The following MAPRE2 variants were observed in gnomAD, a reference collection of about 807,000 sequenced individuals.
The protein encoded by MAPRE2 is microtubule associated protein RP/EB family member 2.
A neutral mutation model predicts 43.2 loss-of-function variants in MAPRE2; 13 were observed. That is an observed-to-expected ratio of 0.30 (90% CI 0.20 to 0.48). The LOEUF is 0.48. Among genes scored for constraint, MAPRE2 ranks in the 20% least tolerant of loss-of-function variants. MAPRE2 has a pLI of 0.99. For missense variants in MAPRE2, 161 were observed against 400.2 expected (o/e 0.40, Z 5.10); for synonymous variants, 135 against 148.8 (o/e 0.91, Z 0.68).
At chr18:35,018,781 T>C (rs1190710237) in intron 2 of MAPRE2, among the ~76,000 whole-genome samples, 2 of 152,044 alleles carry the variant, frequency 1.3e-5, no homozygotes, top group Non-Finnish European at 2.9e-5. Flanking sequence ...CCTTTAGGTT[T>C]CACTGATTCT....
At chr18:35,108,732 C>CTT (rs370443059) in intron 4 of MAPRE2, among the ~76,000 whole-genome samples, 1 of 141,346 alleles carries the variant, frequency 7.1e-6, no homozygotes, top group African/African-American at 2.6e-5. Context: ...TGATGTTGAG[C>CTT]TTTTTTTTTT....
chr18:35,028,667 C>A (rs1286237390), intron 2 of MAPRE2, among the ~76,000 whole-genome samples: 1 of 152,168 alleles, frequency 6.6e-6, no homozygotes, highest in Non-Finnish European at 1.5e-5. Context: ...CTGCTACAAC[C>A]ACAAGGATTG....
chr18:35,107,689 T>A (rs1166783277), intron 4 of MAPRE2, among the ~76,000 whole-genome samples: 1 of 152,122 alleles, frequency 6.6e-6, no homozygotes, highest in Non-Finnish European at 1.5e-5. Flanking sequence ...CAGTAGTTGG[T>A]TGTATAGTGT....
intron 4 of MAPRE2, among the ~76,000 whole-genome samples, chr18:35,102,572 A>G (rs1376218839): frequency 6.6e-6 from 1 of 152,192 alleles, no homozygotes; most frequent in Admixed American, 6.5e-5. Context: ...CATCGTCTCT[A>G]ACCCTTCAAA....
chr18:35,041,434 G>T lies in MAPRE2; in HGVS notation c.-106G>T. On this transcript the variant is annotated 5_prime_UTR_variant, in exon 1 of 7. Transcript: ENST00000300249. Reference sequence around the variant, plus strand: ...CTGGGAGAAGGCAGTGAGCGAGCAGGCGGCAGGCACGGTCCGTGCGGAGCA... The same window carrying T: ...CTGGGAGAAGGCAGTGAGCGAGCAGTCGGCAGGCACGGTCCGTGCGGAGCA... 1.9e-6 allele frequency: 3 copies of T among 1,579,202 alleles called. No homozygotes were observed. The highest frequency in any genetic ancestry group is 2.3e-5 in the South Asian group (2 of 88,828).
At chr18:34,985,010 T>TAAAA (rs2097018644) in intron 1 of MAPRE2, among the ~76,000 whole-genome samples, 1 of 60,532 alleles carries the variant, frequency 1.7e-5, no homozygotes, top group Non-Finnish European at 2.8e-5. Flanking sequence ...ATAATATATT[T>TAAAA]TATGTTATAT....
At position 35,053,478 on chromosome 18, in the gene MAPRE2, G is replaced by GA. The variant is rs76970174; in HGVS notation, c.122+11827dup. Among the ~76,000 whole-genome samples, 44 of 147,612 alleles carry GA rather than the reference G, an allele frequency of 3.0e-4. 1 individual carries two copies. Among genetic ancestry groups the GA allele is most frequent in the South Asian group, 1.3e-3 (6 of 4,686 alleles). ...GTAACAGAATAATTATTTTAGCTGA[G>GA]AAAAAAAAAACACTGAATCTACCTT... On this transcript the variant is annotated intron_variant, in intron 1 of 6. Transcript: ENST00000300249.
intron 1 of MAPRE2, among the ~76,000 whole-genome samples, chr18:35,042,898 C>T (rs1179415186): frequency 6.7e-6 from 1 of 148,170 alleles, no homozygotes; most frequent in Non-Finnish European, 1.5e-5. Context: ...TTCTCTTTGG[C>T]CAAAGAAATG....
At chr18:35,116,116 T>C (rs538622091) in intron 4 of MAPRE2, among the ~76,000 whole-genome samples, 1 of 152,274 alleles carries the variant, frequency 6.6e-6, no homozygotes, top group East Asian at 1.9e-4. Flanking sequence ...CTTCAGCATA[T>C]ATAGGAAGAA....
In MAPRE2 at chr18:35,001,948, T is replaced by C. The variant is rs141266766; in HGVS notation, c.-69-3544T>C. On this transcript the variant is annotated intron_variant, in intron 1 of 7. Coordinates refer to the MAPRE2 transcript ENST00000413393. ...AGAGAGATCCCATATATTCTTTATCTAATCTGCCATGGTAGCATCTTGCAA... is the reference window on the plus strand; with the variant it reads ...AGAGAGATCCCATATATTCTTTATCCAATCTGCCATGGTAGCATCTTGCAA... 7.4e-3 allele frequency among the ~76,000 whole-genome samples: 1,129 copies of C among 152,338 alleles called. 10 individuals carry two copies. The highest frequency in any genetic ancestry group is 0.025 in the African/African-American group (1,029 of 41,566).
At chr18:35,042,301 T>G (rs1905408767) in intron 1 of MAPRE2, among the ~76,000 whole-genome samples, 2 of 152,140 alleles carry the variant, frequency 1.3e-5, no homozygotes, top group South Asian at 4.1e-4. Context: ...TGGGCGCTGT[T>G]ATGCATTTTC....
chr18:35,109,828 T>C (rs1013724479), intron 4 of MAPRE2, among the ~76,000 whole-genome samples: 1 of 152,136 alleles, frequency 6.6e-6, no homozygotes, highest in Non-Finnish European at 1.5e-5. Context: ...ATTATGTAAT[T>C]ATTGATTTGG....
intron 2 of MAPRE2, among the ~76,000 whole-genome samples, chr18:35,026,154 T>A (rs2097045012): frequency 6.6e-6 from 1 of 151,832 alleles, no homozygotes; most frequent in Admixed American, 6.6e-5. Context: ...TGAAGCAGGG[T>A]GTGAGCAGCG....
chr18:35,140,248 C>T (rs1350279829), intron 6 of MAPRE2, 47 bp from the exon 7 acceptor site: 2 of 1,537,454 alleles, frequency 1.3e-6, no homozygotes, highest in South Asian at 2.3e-5. Context: ...CTGCAGGGCC[C>T]CATTCCCAGT....
chr18:35,122,506 G>C (rs887429009), intron 4 of MAPRE2, among the ~76,000 whole-genome samples: 1 of 152,168 alleles, frequency 6.6e-6, no homozygotes, highest in African/African-American at 2.4e-5. Flanking sequence ...CCGAACAATA[G>C]AATTTCAAGA....
At chr18:35,137,902 C>G (rs1025812134) in intron 6 of MAPRE2, among the ~76,000 whole-genome samples, 1 of 152,168 alleles carries the variant, frequency 6.6e-6, no homozygotes, top group Non-Finnish European at 1.5e-5. Context: ...GCGGGACAGA[C>G]AGCTGGGAGT....
intron 3 of MAPRE2, among the ~76,000 whole-genome samples, chr18:35,100,084 G>A (rs1172151320): frequency 6.6e-6 from 1 of 152,086 alleles, no homozygotes; most frequent in Non-Finnish European, 1.5e-5. Flanking sequence ...GTGCTTGTCT[G>A]AATCACATGC....
At chr18:35,061,277 A>G (rs1250592846) in intron 1 of MAPRE2, among the ~76,000 whole-genome samples, 2 of 152,256 alleles carry the variant, frequency 1.3e-5, no homozygotes, top group East Asian at 1.9e-4. Flanking sequence ...TAAACAGCAT[A>G]GTTTTGAAGA....
intron 4 of MAPRE2, among the ~76,000 whole-genome samples, chr18:35,112,923 G>A (rs1909244444): frequency 1.3e-5 from 2 of 152,220 alleles, no homozygotes; most frequent in Admixed American, 1.3e-4. Context: ...TCTGGTGAGA[G>A]CCTGGTCCAC....
Sources: allele counts gnomAD v4.1 joint callset (sites outside exome capture counted in the v4.1 genomes callset), GRCh38; gene constraint gnomAD v4.1.1; transcripts MANE v1.5; gene names NCBI Gene and HGNC (gene_info 2026-07-23, HGNC 2026-07-21).